Variants in CHAT observed in about 807,000 individuals in gnomAD.
CHAT encodes acetyl CoA:choline O-acetyltransferase.
In CHAT, 61 loss-of-function variants were observed where a neutral mutation model predicts 76.9. The ratio of observed to expected loss-of-function variants is 0.79; its 90% CI spans 0.65 to 0.98. The LOEUF is 0.98. CHAT is among the 50% of genes least tolerant of loss of function. The pLI is 0.00. For missense variants in CHAT, 946 were observed against 986.9 expected, an observed-to-expected ratio of 0.96 and a Z score of 0.56; for synonymous variants, 407 against 397.4, an observed-to-expected ratio of 1.02 and a Z score of -0.29.
intron 7 of CHAT, among the ~76,000 whole-genome samples, chr10:49,631,306 C>A (rs1378829062): frequency 1.3e-5 from 2 of 152,196 alleles, no homozygotes; most frequent in Admixed American, 6.5e-5. Context: ...CTCTCCTTGG[C>A]TTGTCGATGC....
At chr10:49,627,218 G>A (rs12246528) in intron 6 of CHAT, among the ~76,000 whole-genome samples, 40,663 of 152,196 alleles carry the variant, frequency 0.27, 5,769 homozygotes, top group Middle Eastern at 0.38. Context: ...ACACGGGTAC[G>A]TTTCTCTAAG....
At chr10:49,621,790 C>T (rs1324010599) in intron 4 of CHAT, among the ~76,000 whole-genome samples, 2 of 152,078 alleles carry the variant, frequency 1.3e-5, no homozygotes, top group Non-Finnish European at 2.9e-5. Flanking sequence ...CTACTCGACC[C>T]CCAGTTCTCA....
intron 7 of CHAT, among the ~76,000 whole-genome samples, chr10:49,633,656 G>T (rs1475596749): frequency 6.6e-6 from 1 of 152,120 alleles, no homozygotes; most frequent in Non-Finnish European, 1.5e-5. Flanking sequence ...CCGTTATCCT[G>T]GCCTGGAAAT....
intron 7 of CHAT, among the ~76,000 whole-genome samples, chr10:49,629,559 T>C (rs768151273): frequency 7.2e-5 from 11 of 152,220 alleles, no homozygotes. Flanking sequence ...CAGCATAGTT[T>C]CCACTTTATT....
intron 7 of CHAT, 52 bp downstream of exon 7, chr10:49,627,837 T>C (rs1157696217): frequency 2.5e-6 from 4 of 1,586,656 alleles, no homozygotes; most frequent in South Asian, 1.1e-5. Context: ...CTCGTGCCCA[T>C]TGGCTTTCCC....
chr10:49,611,702 C>A (rs1431970805), upstream of CHAT: 6 of 1,608,792 alleles, frequency 3.7e-6, no homozygotes, highest in Non-Finnish European at 5.1e-6. Context: ...CATACGATGG[C>A]GGCTTCCGAG....
chr10:49,637,071 T>C (rs559368688), intron 7 of CHAT, among the ~76,000 whole-genome samples: 66 of 152,182 alleles, frequency 4.3e-4, no homozygotes, highest in Middle Eastern at 3.4e-3. Context: ...TCTATGAATT[T>C]GATTGATCTT....
At chr10:49,622,330 T>G (rs995417633) in intron 5 of CHAT, among the ~76,000 whole-genome samples, 180 bp downstream of exon 5, 1 of 152,238 alleles carries the variant, frequency 6.6e-6, no homozygotes, top group African/African-American at 2.4e-5. Flanking sequence ...GGCTGGCCTG[T>G]CTGTTAACTG....
At chr10:49,622,203 T>C in intron 5 of CHAT, 53 bp downstream of exon 5, 3 of 1,573,512 alleles carry the variant, frequency 1.9e-6, no homozygotes, top group Non-Finnish European at 2.6e-6. Context: ...TATGCGTCTA[T>C]CTCCCTTGCA....
intron 11 of CHAT, among the ~76,000 whole-genome samples, 175 bp from the exon 12 acceptor site, chr10:49,654,920 C>A (rs558844965): frequency 6.6e-6 from 1 of 152,084 alleles, no homozygotes; most frequent in Admixed American, 6.5e-5. Flanking sequence ...GTGGGAGACT[C>A]CCCAGCGTCA....
chr10:49,658,686 G>A (rs1840104167), intron 13 of CHAT, among the ~76,000 whole-genome samples: 1 of 152,180 alleles, frequency 6.6e-6, no homozygotes, highest in African/African-American at 2.4e-5. Context: ...TCCAGCCTGG[G>A]CGACACAGCA....
chr10:49,629,305 C>G (rs1161726241), intron 7 of CHAT, among the ~76,000 whole-genome samples: 1 of 152,184 alleles, frequency 6.6e-6, no homozygotes, highest in Non-Finnish European at 1.5e-5. Flanking sequence ...CCCCGACTTA[C>G]CAATTAATTA....
chr10:49,614,173 G>A lies in CHAT; in HGVS notation c.-17G>A, dbSNP rs77152496. On this transcript the variant is annotated 5_prime_UTR_variant, in exon 1 of 15. Coordinates refer to ENST00000337653, the MANE Select transcript of CHAT (RefSeq NM_020549.5). ...GGGCCGGGAGCTGAGATCCCTGGGC[G>A]GGGAGCTGGGGAAGGGATGGGGCTG... is the stretch of plus-strand genomic sequence containing the variant. 3.1e-3 allele frequency: 4,857 copies of A among 1,544,524 alleles called. 145 individuals are homozygous for A. The African/African-American group carries it at 0.058, about 18-fold the overall frequency.
At chr10:49,613,466 G>A (rs183656344), upstream of CHAT, among the ~76,000 whole-genome samples, 43 of 152,294 alleles carry the variant, frequency 2.8e-4, 1 homozygote, top group Admixed American at 7.2e-4. Context: ...TCCATGTCCC[G>A]AAGACCGTAG....
upstream of CHAT, chr10:49,612,411 G>C: frequency 6.8e-7 from 1 of 1,468,866 alleles, no homozygotes; most frequent in East Asian, 2.3e-5. Flanking sequence ...CCACTGGCCA[G>C]CTCTGGCTCA....
intron 7 of CHAT, among the ~76,000 whole-genome samples, chr10:49,640,503 G>GC (rs1407921648): frequency 6.6e-6 from 1 of 150,570 alleles, no homozygotes; most frequent in South Asian, 2.1e-4. Flanking sequence ...TGCAGGGTTG[G>GC]GGGGTGGAAG....
intron 2 of CHAT, among the ~76,000 whole-genome samples, chr10:49,618,530 C>G (rs1838581557): frequency 6.6e-6 from 1 of 152,048 alleles, no homozygotes; most frequent in Non-Finnish European, 1.5e-5. Flanking sequence ...AGAGAACGAC[C>G]CAGGAGAAAG....
upstream of CHAT, chr10:49,612,342 T>C: frequency 6.3e-7 from 1 of 1,574,902 alleles, no homozygotes. Context: ...GCAGCTAGCA[T>C]CCCCACTCCT....
chr10:49,625,387 C>A, intron 5 of CHAT, 86 bp from the exon 6 acceptor site: 1 of 1,311,314 alleles, frequency 7.6e-7, no homozygotes, highest in Non-Finnish European at 1.1e-6. Flanking sequence ...TTTGCCTGAT[C>A]AAGTTACAAT....
Sources: allele counts gnomAD v4.1 joint callset (sites outside exome capture counted in the v4.1 genomes callset), GRCh38; gene constraint gnomAD v4.1.1; transcripts MANE v1.5; gene names NCBI Gene and HGNC (gene_info 2026-07-23, HGNC 2026-07-21).